ATRNL1: variants seen among roughly 807,000 people sequenced by gnomAD.
ATRNL1 encodes attractin-like protein 1.
In ATRNL1, 95 loss-of-function variants were observed where a neutral mutation model predicts 182.7. That is an observed-to-expected ratio of 0.52 (90% CI 0.44 to 0.62). ATRNL1 has a LOEUF of 0.62. Among genes scored for constraint, ATRNL1 ranks in the 20% least tolerant of loss-of-function variants. ATRNL1 has a pLI of 0.00. For missense variants in ATRNL1, 1,471 were observed against 1,679.5 expected (o/e 0.88, Z 2.17); for synonymous variants, 576 against 568.3 (o/e 1.01, Z -0.19).
chr10:115,593,741 C>A (rs1856056779), intron 26 of ATRNL1, among the ~76,000 whole-genome samples: 1 of 152,056 alleles, frequency 6.6e-6, no homozygotes, highest in African/African-American at 2.4e-5. Context: ...CTAAAATTTG[C>A]ATTGAAACAA....
chr10:115,308,525 A>C (rs1554926899), intron 17 of ATRNL1, among the ~76,000 whole-genome samples: 2 of 152,142 alleles, frequency 1.3e-5, no homozygotes, highest in African/African-American at 4.8e-5. Flanking sequence ...TCATTTTTAA[A>C]ATTTGATGAC....
At chr10:115,735,231 T>G (rs1285912969) in intron 27 of ATRNL1, among the ~76,000 whole-genome samples, 1 of 152,224 alleles carries the variant, frequency 6.6e-6, no homozygotes, top group Non-Finnish European at 1.5e-5. Context: ...ATAAACTCTC[T>G]TAGTCTTTCT....
intron 9 of ATRNL1, among the ~76,000 whole-genome samples, chr10:115,221,029 A>T (rs1474480033): frequency 6.6e-6 from 1 of 152,280 alleles, no homozygotes; most frequent in East Asian, 1.9e-4. Context: ...TCCACCTCAG[A>T]TCATCAAGCA....
intron 27 of ATRNL1, among the ~76,000 whole-genome samples, chr10:115,840,799 G>C (rs1950788605): frequency 1.3e-5 from 2 of 152,048 alleles, no homozygotes; most frequent in Admixed American, 1.3e-4. Flanking sequence ...CAATATAGCA[G>C]GAATGGTAGA....
chr10:115,126,588 C>T (rs770450257), intron 3 of ATRNL1, among the ~76,000 whole-genome samples: 14 of 152,040 alleles, frequency 9.2e-5, no homozygotes, highest in Non-Finnish European at 1.6e-4. Flanking sequence ...ATTACTAAAG[C>T]GTTAAATCAA....
chr10:115,941,854 C>T, intron 28 of ATRNL1, among the ~76,000 whole-genome samples: 1 of 152,292 alleles, frequency 6.6e-6, no homozygotes, highest in Non-Finnish European at 1.5e-5. Flanking sequence ...TAATTATTTA[C>T]TACTGCAGAA....
intron 28 of ATRNL1, among the ~76,000 whole-genome samples, chr10:115,856,447 A>AAAAAAAAAAAAAAAAAAC (rs1951188636): frequency 2.0e-5 from 3 of 147,568 alleles, no homozygotes; most frequent in Non-Finnish European, 4.5e-5. Context: ...AAAAAAAAAA[A>AAAAAAAAAAAAAAAAAAC]AAAGCCATAC....
chr10:115,397,506 A>G (rs1376156284), intron 20 of ATRNL1, among the ~76,000 whole-genome samples: 1 of 151,984 alleles, frequency 6.6e-6, no homozygotes, highest in Non-Finnish European at 1.5e-5. Context: ...TGGGGGGACC[A>G]TTGCAACAAT....
intron 28 of ATRNL1, among the ~76,000 whole-genome samples, chr10:115,933,329 T>G (rs1565498277): frequency 6.6e-6 from 1 of 152,192 alleles, no homozygotes; most frequent in Non-Finnish European, 1.5e-5. Flanking sequence ...ATACAAACCA[T>G]AGCTGGTACT....
chr10:115,853,785 T>C (rs1215386606), intron 28 of ATRNL1, among the ~76,000 whole-genome samples: 1 of 152,190 alleles, frequency 6.6e-6, no homozygotes, highest in African/African-American at 2.4e-5. Flanking sequence ...AAAAGTGGCA[T>C]TCATGGTAAA....
intron 27 of ATRNL1, among the ~76,000 whole-genome samples, chr10:115,738,019 G>A (rs1387096786): frequency 2.0e-5 from 3 of 150,926 alleles, no homozygotes; most frequent in Non-Finnish European, 4.4e-5. Context: ...TAGGCCCCAT[G>A]AGCCATTTGC....
intron 9 of ATRNL1, among the ~76,000 whole-genome samples, chr10:115,233,426 C>CT (rs1466248600): frequency 6.6e-6 from 1 of 151,890 alleles, no homozygotes; most frequent in Non-Finnish European, 1.5e-5. Context: ...TATGTGTAGA[C>CT]TTTTTTAGCG....
chr10:115,867,625 T>C (rs1555105029), intron 28 of ATRNL1, among the ~76,000 whole-genome samples: 1 of 152,172 alleles, frequency 6.6e-6, no homozygotes, highest in African/African-American at 2.4e-5. Flanking sequence ...GCCGCTTCCA[T>C]CTTATATTTT....
chr10:115,185,108 T>C (rs1359560381), intron 8 of ATRNL1, among the ~76,000 whole-genome samples: 1 of 151,972 alleles, frequency 6.6e-6, no homozygotes, highest in Non-Finnish European at 1.5e-5. Flanking sequence ...ATTGGAGGTA[T>C]CAGTATGAGT....
intron 5 of ATRNL1, among the ~76,000 whole-genome samples, chr10:115,155,544 A>C (rs931417325): frequency 6.6e-6 from 1 of 152,188 alleles, no homozygotes; most frequent in African/African-American, 2.4e-5. Context: ...TTTCACAGCT[A>C]GTAAGTAGGA....
intron 21 of ATRNL1, among the ~76,000 whole-genome samples, chr10:115,448,720 TA>T: frequency 6.6e-6 from 1 of 151,966 alleles, no homozygotes; most frequent in Non-Finnish European, 1.5e-5. Flanking sequence ...AAAAAACATT[TA>T]AAAGATAAAC....
At chr10:115,560,437 T>G (rs901073978) in intron 26 of ATRNL1, among the ~76,000 whole-genome samples, 5 of 152,134 alleles carry the variant, frequency 3.3e-5, no homozygotes, top group Non-Finnish European at 7.3e-5. Context: ...GGAGCTACAA[T>G]GCAAGATGAG....
At chr10:115,610,172 G>C (rs541107723) in intron 26 of ATRNL1, among the ~76,000 whole-genome samples, 1 of 152,206 alleles carries the variant, frequency 6.6e-6, no homozygotes, top group Non-Finnish European at 1.5e-5. Flanking sequence ...CTACCAAGAT[G>C]ACAAAGCTAG....
chr10:115,401,599 G>A (rs1222808526), intron 20 of ATRNL1, among the ~76,000 whole-genome samples: 1 of 152,070 alleles, frequency 6.6e-6, no homozygotes, highest in Non-Finnish European at 1.5e-5. Flanking sequence ...ACAGAATTGT[G>A]ATAAAATCTA....
Sources: allele counts gnomAD v4.1 joint callset (sites outside exome capture counted in the v4.1 genomes callset), GRCh38; gene constraint gnomAD v4.1.1; transcripts MANE v1.5; gene names NCBI Gene and HGNC (gene_info 2026-07-23, HGNC 2026-07-21).